The following TJP1 variants were observed in gnomAD, a reference collection of about 807,000 sequenced individuals.
TJP1 encodes tight junction protein ZO-1.
Under a neutral mutation model 194.2 loss-of-function variants are expected in TJP1, and 43 were observed. The ratio of observed to expected loss-of-function variants is 0.22; its 90% CI spans 0.17 to 0.29. The LOEUF (loss-of-function observed/expected upper bound fraction) is 0.29. Among genes scored for constraint, TJP1 ranks in the 10% least tolerant of loss-of-function variants. The probability of loss-of-function intolerance (pLI) is 1.00; values close to 1 mark genes in which losing one functional copy is unlikely to be tolerated. For synonymous variants in TJP1, 801 were observed against 779.0 expected, an observed-to-expected ratio of 1.03 and a Z score of -0.47; for missense variants, 1,971 against 2,185.7, an observed-to-expected ratio of 0.90 and a Z score of 1.96.
chr15:29,870,370 G>A (rs1475610697), intron 2 of TJP1, among the ~76,000 whole-genome samples: 1 of 152,190 alleles, frequency 6.6e-6, no homozygotes, highest in African/African-American at 2.4e-5. Flanking sequence ...GGTTAGTCCT[G>A]TGTGTAAAAA....
At chr15:29,910,420 C>A (rs1053965395) in intron 2 of TJP1, among the ~76,000 whole-genome samples, 4 of 152,228 alleles carry the variant, frequency 2.6e-5, no homozygotes, top group South Asian at 4.1e-4. Context: ...GTCCTAAACA[C>A]AGGCCTGTTT....
chr15:29,884,769 T>G (rs2053058729), intron 2 of TJP1, among the ~76,000 whole-genome samples: 1 of 151,914 alleles, frequency 6.6e-6, no homozygotes, highest in South Asian at 2.1e-4. Context: ...CACAAAGAGG[T>G]ACAGTTCAAG....
chr15:29,953,717 T>C (rs1233358534), intron 2 of TJP1, among the ~76,000 whole-genome samples: 2 of 152,240 alleles, frequency 1.3e-5, no homozygotes, highest in Non-Finnish European at 2.9e-5. Flanking sequence ...AAATTGTTGC[T>C]CCACCACGCA....
chr15:29,732,298 A>C, intron 15 of TJP1, 135 bp downstream of exon 15: 1 of 754,102 alleles, frequency 1.3e-6, no homozygotes, highest in South Asian at 1.9e-5. Context: ...TTTCTCACCA[A>C]ATTAAAAGAA....
At chr15:29,884,329 G>A (rs1369517552) in intron 2 of TJP1, among the ~76,000 whole-genome samples, 7 of 152,176 alleles carry the variant, frequency 4.6e-5, no homozygotes, top group Admixed American at 3.9e-4. Flanking sequence ...TATATTGAAT[G>A]TGCAGGCTGT....
chr15:29,822,126 C>T lies in TJP1; in HGVS notation c.-98G>A, dbSNP rs928419234. 4 of 1,202,780 alleles carry T rather than the reference C, an allele frequency of 3.3e-6. No homozygotes were observed. In the African/African-American group the frequency reaches 4.8e-5, roughly 14 times the overall value. 74.5% of individuals were successfully genotyped at this position (1,202,780 alleles called of 1,614,324 possible). A position where few individuals can be genotyped will look rare whatever the true frequency, so the allele number is the denominator to read the frequency against. On this transcript the variant is annotated 5_prime_UTR_variant, in exon 1 of 28. Coordinates refer to ENST00000614355, the MANE Select transcript of TJP1 (RefSeq NM_001330239.4). ...CGCCACAGCCCAAATAAACATCTCC[C>T]GAGAGCGAGCGGGGCACGGGCGGGG...
At chr15:29,765,128 A>T (rs1193746276) in intron 5 of TJP1, among the ~76,000 whole-genome samples, 2 of 152,226 alleles carry the variant, frequency 1.3e-5, no homozygotes, top group African/African-American at 2.4e-5. Flanking sequence ...GTGGTTAACC[A>T]TGTGAAATGA....
chr15:29,949,976 TTCA>T (rs1567227238), intron 2 of TJP1, among the ~76,000 whole-genome samples: 1 of 8,866 alleles, frequency 1.1e-4, no homozygotes, highest in Non-Finnish European at 1.6e-4. Context: ...CACAACCATC[TTCA>T]CCACCACCTC....
At chr15:29,783,112 A>T (rs548490224) in intron 2 of TJP1, among the ~76,000 whole-genome samples, 101 of 152,126 alleles carry the variant, frequency 6.6e-4, no homozygotes, top group African/African-American at 2.2e-3. Context: ...CATCTCTACT[A>T]AAAGTACAAA....
At chr15:29,722,231 C>T (rs573721335) in intron 18 of TJP1, among the ~76,000 whole-genome samples, 30 of 152,172 alleles carry the variant, frequency 2.0e-4, no homozygotes, top group Non-Finnish European at 4.3e-4. Context: ...GAGGCCTATG[C>T]GGCAGCCCCT....
At chr15:29,916,269 T>C (rs1199968452) in intron 2 of TJP1, among the ~76,000 whole-genome samples, 1 of 150,656 alleles carries the variant, frequency 6.6e-6, no homozygotes, top group African/African-American at 2.4e-5. Flanking sequence ...AGATCATAGC[T>C]CTTTCTTCAG....
chr15:29,915,881 A>G (rs543299983), intron 2 of TJP1, among the ~76,000 whole-genome samples: 3 of 152,374 alleles, frequency 2.0e-5, no homozygotes, highest in African/African-American at 4.8e-5. Context: ...ATTAAATTTG[A>G]TAAGAAACTT....
At chr15:29,824,117 A>AAAAAAAAAAG (rs1567108124), upstream of TJP1, 1 of 99,358 alleles carries the variant, frequency 1.0e-5, no homozygotes, top group Non-Finnish European at 1.9e-5. Context: ...AAAAAAAAAA[A>AAAAAAAAAAG]TGGTGGCCAG....
chr15:29,723,119 A>C (rs1452304640), intron 18 of TJP1, among the ~76,000 whole-genome samples: 1 of 152,166 alleles, frequency 6.6e-6, no homozygotes, highest in Non-Finnish European at 1.5e-5. Flanking sequence ...GAAATGAGTT[A>C]AGACTTTGGG....
At chr15:29,775,410 A>G (rs1454394846) in intron 2 of TJP1, among the ~76,000 whole-genome samples, 3 of 151,654 alleles carry the variant, frequency 2.0e-5, no homozygotes, top group South Asian at 4.1e-4. Flanking sequence ...AGGAAAACAA[A>G]ATTTGTGCTG....
chr15:29,714,470 C>A (rs1475810361), intron 23 of TJP1, among the ~76,000 whole-genome samples: 4 of 151,490 alleles, frequency 2.6e-5, no homozygotes, highest in Admixed American at 2.6e-4. Context: ...GATCTCCTGA[C>A]CTCATGATCC....
At chr15:29,816,299 G>T (rs577757780) in intron 1 of TJP1, among the ~76,000 whole-genome samples, 1 of 152,204 alleles carries the variant, frequency 6.6e-6, no homozygotes, top group Non-Finnish European at 1.5e-5. Flanking sequence ...AAAGTGCAGG[G>T]ATTACATGCT....
At chr15:29,844,358 T>C (rs924312085) in intron 2 of TJP1, among the ~76,000 whole-genome samples, 1 of 152,162 alleles carries the variant, frequency 6.6e-6, no homozygotes, top group African/African-American at 2.4e-5. Context: ...CATGAGCCAC[T>C]GCACCCGGCC....
chr15:29,872,482 G>A (rs927317640), intron 2 of TJP1, among the ~76,000 whole-genome samples: 11 of 152,136 alleles, frequency 7.2e-5, no homozygotes, highest in Admixed American at 1.3e-4. Context: ...CATGTTCCAC[G>A]GAGGTCTGCC....
Sources: allele counts gnomAD v4.1 joint callset (sites outside exome capture counted in the v4.1 genomes callset), GRCh38; gene constraint gnomAD v4.1.1; transcripts MANE v1.5; gene names NCBI Gene and HGNC (gene_info 2026-07-23, HGNC 2026-07-21).